Variants in MAPRE2 observed in about 807,000 individuals in gnomAD.
MAPRE2 encodes the protein microtubule-associated protein RP/EB family member 2.
Under a neutral mutation model 43.2 loss-of-function variants are expected in MAPRE2, and 13 were observed. The observed-to-expected ratio is 0.30, with a 90% CI of 0.20 to 0.48. MAPRE2 has a LOEUF of 0.48. MAPRE2 is among the 20% of genes least tolerant of loss of function. MAPRE2 has a pLI of 0.99. For missense variants in MAPRE2, 161 were observed against 400.2 expected, an observed-to-expected ratio of 0.40 and a Z score of 5.10; for synonymous variants, 135 against 148.8, an observed-to-expected ratio of 0.91 and a Z score of 0.68.
chr18:35,140,409 A>G lies in MAPRE2; in HGVS notation c.*40A>G. Reference sequence around the variant, plus strand: ...TCTTGACACTTCCATTGTGTGTGGGAACGTTTCTTCTGGAGAATTGGAACA... The same window carrying G: ...TCTTGACACTTCCATTGTGTGTGGGGACGTTTCTTCTGGAGAATTGGAACA... On this transcript the variant is annotated 3_prime_UTR_variant, in exon 7 of 7. Transcript: ENST00000300249. The G allele has an allele frequency of 7.7e-6, 12 of 1,558,996 alleles. No individual in the cohort carries two copies. Among genetic ancestry groups the G allele is most frequent in the Non-Finnish European group, 1.0e-5 (12 of 1,146,046 alleles).
intron 5 of MAPRE2, among the ~76,000 whole-genome samples, chr18:35,131,316 A>C (rs1338865668): frequency 2.0e-5 from 3 of 152,084 alleles, no homozygotes; most frequent in African/African-American, 7.2e-5. Flanking sequence ...CCCATTCTCC[A>C]TTTCCTGCAG....
intron 1 of MAPRE2, among the ~76,000 whole-genome samples, chr18:34,997,049 G>T (rs1603388135): frequency 6.6e-6 from 1 of 152,156 alleles, no homozygotes; most frequent in Non-Finnish European, 1.5e-5. Context: ...CTTAAAAAAG[G>T]GGGGTGGGAG....
At chr18:35,098,753 C>T (rs945671940) in intron 3 of MAPRE2, among the ~76,000 whole-genome samples, 2 of 152,108 alleles carry the variant, frequency 1.3e-5, no homozygotes, top group African/African-American at 4.8e-5. Flanking sequence ...AGAAAAGAAA[C>T]ACCTTTTCAT....
At chr18:35,002,629 T>A (rs1052356803) in intron 1 of MAPRE2, among the ~76,000 whole-genome samples, 1 of 152,188 alleles carries the variant, frequency 6.6e-6, no homozygotes, top group African/African-American at 2.4e-5. Flanking sequence ...TGATGTCTCA[T>A]GTAGTTTTAA....
intron 6 of MAPRE2, among the ~76,000 whole-genome samples, chr18:35,139,110 G>T (rs1444304418): frequency 1.3e-5 from 2 of 152,192 alleles, no homozygotes; most frequent in African/African-American, 4.8e-5. Context: ...AATGCTGCAG[G>T]AGAAGAGAGA....
At chr18:35,037,027 G>T (rs2097050916), upstream of MAPRE2, among the ~76,000 whole-genome samples, 1 of 152,106 alleles carries the variant, frequency 6.6e-6, no homozygotes, top group South Asian at 2.1e-4. Flanking sequence ...TTCTGACTTA[G>T]GTGCTCACCT....
At chr18:34,995,179 G>C (rs1253992740) in intron 1 of MAPRE2, among the ~76,000 whole-genome samples, 1 of 149,442 alleles carries the variant, frequency 6.7e-6, no homozygotes, top group Admixed American at 6.8e-5. Context: ...TTATTATAAA[G>C]TATGGGCAAT....
chr18:35,131,139 C>T (rs1910126061), intron 5 of MAPRE2, among the ~76,000 whole-genome samples: 1 of 152,190 alleles, frequency 6.6e-6, no homozygotes, highest in South Asian at 2.1e-4. Context: ...TGTCACGAAC[C>T]CTCAGTTTCT....
upstream of MAPRE2, among the ~76,000 whole-genome samples, chr18:35,038,901 C>T (rs73424664): frequency 1.3e-3 from 202 of 152,318 alleles, 2 homozygotes; most frequent in African/African-American, 4.7e-3. Flanking sequence ...GGAAGATTTA[C>T]GCGGCCCTTG....
At chr18:35,032,079 C>T (rs376693730) in intron 2 of MAPRE2, among the ~76,000 whole-genome samples, 1 of 152,168 alleles carries the variant, frequency 6.6e-6, no homozygotes, top group Non-Finnish European at 1.5e-5. Context: ...TACTTTTTCA[C>T]TGCTATCATT....
At chr18:35,103,092 C>G (rs1908753371) in intron 4 of MAPRE2, among the ~76,000 whole-genome samples, 1 of 152,156 alleles carries the variant, frequency 6.6e-6, no homozygotes, top group African/African-American at 2.4e-5. Flanking sequence ...CATCTTATTT[C>G]TGGATTTATG....
At chr18:35,041,790 T>C (rs1905382547) in intron 1 of MAPRE2, 129 bp downstream of exon 1, 1 of 1,516,966 alleles carries the variant, frequency 6.6e-7, no homozygotes, top group Non-Finnish European at 8.8e-7. Flanking sequence ...AAGGCGGTTG[T>C]GATTATTTGG....
At chr18:35,055,966 A>AT (rs1228425122) in intron 1 of MAPRE2, among the ~76,000 whole-genome samples, 1 of 152,120 alleles carries the variant, frequency 6.6e-6, no homozygotes, top group Non-Finnish European at 1.5e-5. Flanking sequence ...AAAAAAAAAA[A>AT]AAAAAGATGT....
intron 1 of MAPRE2, among the ~76,000 whole-genome samples, chr18:34,984,969 T>C (rs2097018549): frequency 2.7e-5 from 2 of 74,962 alleles, no homozygotes; most frequent in Non-Finnish European, 4.7e-5. Flanking sequence ...ATAAAATATA[T>C]AATATATAAA....
chr18:35,016,149 G>A (rs771049285), intron 2 of MAPRE2, among the ~76,000 whole-genome samples: 17 of 151,776 alleles, frequency 1.1e-4, no homozygotes, highest in East Asian at 7.7e-4. Context: ...TTATGGCTGC[G>A]TAGTATTTTA....
chr18:35,037,698 C>G (rs941477615), upstream of MAPRE2, among the ~76,000 whole-genome samples: 46 of 152,080 alleles, frequency 3.0e-4, no homozygotes, highest in African/African-American at 9.9e-4. Flanking sequence ...GGGTAATTCT[C>G]CCTACCCTGC....
chr18:34,978,626 C>T (rs2097014483), intron 1 of MAPRE2: 5 of 1,204,024 alleles, frequency 4.2e-6, no homozygotes, highest in Non-Finnish European at 6.0e-6. Context: ...AGGGGTATGG[C>T]TCTTGGTTAG....
chr18:35,089,526 A>G (rs1908039893), intron 2 of MAPRE2, among the ~76,000 whole-genome samples: 1 of 141,282 alleles, frequency 7.1e-6, no homozygotes, highest in Admixed American at 6.8e-5. Context: ...AAGAAGACAT[A>G]CAAATGGCCT....
chr18:35,080,750 A>C (rs1271586086), intron 2 of MAPRE2, among the ~76,000 whole-genome samples: 2 of 152,152 alleles, frequency 1.3e-5, no homozygotes, highest in Admixed American at 6.5e-5. Flanking sequence ...AGAATTGCAT[A>C]CCTGGAAACA....
Sources: gnomAD v4.1 joint callset for allele counts (sites outside exome capture counted in the v4.1 genomes callset) on GRCh38, gnomAD v4.1.1 for gene constraint, MANE v1.5 for transcripts, NCBI Gene and HGNC (gene_info 2026-07-23, HGNC 2026-07-21) for gene names.